The following KCNMA1 variants were observed in gnomAD, a reference collection of about 807,000 sequenced individuals.
KCNMA1 encodes Calcium-activated potassium channel subunit alpha-1.
A neutral mutation model predicts 140.0 loss-of-function variants in KCNMA1; 29 were observed. The ratio of observed to expected loss-of-function variants is 0.21; its 90% confidence interval spans 0.15 to 0.28. The LOEUF is 0.28. KCNMA1 is among the 10% of genes least tolerant of loss of function. The pLI is 1.00. For synonymous variants in KCNMA1, 612 were observed against 611.9 expected (o/e 1.00, Z 0.00); for missense variants, 880 against 1,602.2 (o/e 0.55, Z 7.70).
At chr10:77,214,266 C>T (rs1468851370) in intron 3 of KCNMA1, among the ~76,000 whole-genome samples, 2 of 152,230 alleles carry the variant, frequency 1.3e-5, no homozygotes, top group Non-Finnish European at 2.9e-5. Context: ...CTTCTCTCCT[C>T]CAACCTCCCA....
intron 1 of KCNMA1, among the ~76,000 whole-genome samples, chr10:77,611,324 G>C (rs968283934): frequency 8.5e-5 from 13 of 152,322 alleles, no homozygotes; most frequent in Middle Eastern, 6.8e-3. Context: ...GTGCCCTCCA[G>C]AGCTGCAGCA....
chr10:77,610,270 T>G (rs1280267605), intron 1 of KCNMA1, among the ~76,000 whole-genome samples: 2 of 152,198 alleles, frequency 1.3e-5, no homozygotes, highest in African/African-American at 4.8e-5. Flanking sequence ...TTTACTGAAG[T>G]GTTGATTATC....
intron 1 of KCNMA1, among the ~76,000 whole-genome samples, chr10:77,541,439 A>G (rs2060159119): frequency 6.6e-6 from 1 of 152,110 alleles, no homozygotes; most frequent in Non-Finnish European, 1.5e-5. Flanking sequence ...TAGAATTAAA[A>G]TCCCTATTTT....
chr10:76,954,963 T>C (rs1338974413), intron 20 of KCNMA1, among the ~76,000 whole-genome samples: 1 of 152,198 alleles, frequency 6.6e-6, no homozygotes, highest in East Asian at 1.9e-4. Context: ...TCTCTGATAG[T>C]GATTCAGCAC....
chr10:77,457,635 T>C (rs1360763175), intron 1 of KCNMA1, among the ~76,000 whole-genome samples: 1 of 152,084 alleles, frequency 6.6e-6, no homozygotes, highest in Admixed American at 6.6e-5. Flanking sequence ...TTATAACTAG[T>C]TCCCCATATA....
chr10:77,431,349 G>A (rs1034311838), intron 1 of KCNMA1, among the ~76,000 whole-genome samples: 1 of 152,198 alleles, frequency 6.6e-6, no homozygotes, highest in South Asian at 2.1e-4. Context: ...AATTTTGCAT[G>A]GGGATTGAAA....
intron 19 of KCNMA1, chr10:76,974,326 G>A (rs2076886273): frequency 5.8e-6 from 3 of 516,464 alleles, no homozygotes; most frequent in East Asian, 3.2e-5. Flanking sequence ...CGTTTTTTAC[G>A]GTTTTCCCTT....
At chr10:77,386,082 C>A (rs939962704) in intron 2 of KCNMA1, among the ~76,000 whole-genome samples, 1 of 152,242 alleles carries the variant, frequency 6.6e-6, no homozygotes, top group African/African-American at 2.4e-5. Flanking sequence ...CCAAGGAGCA[C>A]TCACTGGGCA....
At chr10:77,350,322 CACTT>C (rs1240538854) in intron 2 of KCNMA1, 2 of 152,282 alleles carry the variant, frequency 1.3e-5, no homozygotes, top group African/African-American at 2.4e-5. Flanking sequence ...CAACTGCTGA[CACTT>C]ACAGTTTTAT....
chr10:77,268,705 G>T (rs1225057124), intron 2 of KCNMA1, among the ~76,000 whole-genome samples: 1 of 152,160 alleles, frequency 6.6e-6, no homozygotes, highest in African/African-American at 2.4e-5. Flanking sequence ...GTTCGAATGT[G>T]TCATATGCTC....
chr10:77,360,746 C>T (rs1378017965), intron 2 of KCNMA1, among the ~76,000 whole-genome samples: 1 of 152,222 alleles, frequency 6.6e-6, no homozygotes, highest in Non-Finnish European at 1.5e-5. Context: ...TTTAAATCTC[C>T]TTTCCTACCT....
chr10:77,245,116 T>C (rs1173707423), intron 3 of KCNMA1, among the ~76,000 whole-genome samples: 1 of 151,828 alleles, frequency 6.6e-6, no homozygotes, highest in Non-Finnish European at 1.5e-5. Flanking sequence ...ACACAGTGAT[T>C]TGTGTTGACT....
chr10:77,032,205 C>G (rs1454770929), intron 15 of KCNMA1, among the ~76,000 whole-genome samples: 1 of 152,112 alleles, frequency 6.6e-6, no homozygotes, highest in African/African-American at 2.4e-5. Context: ...CTTACACTCC[C>G]AAGAATATAT....
intron 19 of KCNMA1, among the ~76,000 whole-genome samples, chr10:76,981,700 C>G (rs962046227): frequency 6.6e-6 from 1 of 152,180 alleles, no homozygotes; most frequent in Non-Finnish European, 1.5e-5. Flanking sequence ...TCCAGGGGGC[C>G]TTCCCAGATG....
At chr10:77,141,514 C>T (rs189813560) in intron 5 of KCNMA1, among the ~76,000 whole-genome samples, 24 of 152,272 alleles carry the variant, frequency 1.6e-4, no homozygotes, top group South Asian at 1.0e-3. Flanking sequence ...AGAGGGCAGC[C>T]GCCTGCAAGC....
At chr10:77,634,156 C>T (rs2093494574) in intron 1 of KCNMA1, 1 of 985,240 alleles carries the variant, frequency 1.0e-6, no homozygotes, top group South Asian at 4.7e-5. Flanking sequence ...AGAGCAGCTC[C>T]CTATTCAATA....
chr10:77,058,808 A>G (rs1399597393), intron 14 of KCNMA1, among the ~76,000 whole-genome samples: 4 of 152,040 alleles, frequency 2.6e-5, no homozygotes, highest in Non-Finnish European at 5.9e-5. Flanking sequence ...AAAAAAGAAG[A>G]GTCTCAAATC....
intron 2 of KCNMA1, among the ~76,000 whole-genome samples, chr10:77,387,110 G>C (rs142967254): frequency 2.5e-4 from 38 of 152,274 alleles, no homozygotes; most frequent in Middle Eastern, 3.4e-3. Flanking sequence ...AATTTTGAGA[G>C]TGGACATAAC....
intron 19 of KCNMA1, chr10:76,974,488 T>C (rs767575047): frequency 6.2e-5 from 96 of 1,536,756 alleles, no homozygotes; most frequent in Non-Finnish European, 8.3e-5. Context: ...TTCCTTCACC[T>C]GGCTCGGTCA....
Sources: allele counts gnomAD v4.1 joint callset (sites outside exome capture counted in the v4.1 genomes callset), GRCh38; gene constraint gnomAD v4.1.1; transcripts MANE v1.5; gene names NCBI Gene and HGNC (gene_info 2026-07-23, HGNC 2026-07-21).